RANBP17: variants seen among roughly 807,000 people sequenced by gnomAD.
RANBP17 encodes ran-binding protein 17.
Under a neutral mutation model 141.2 loss-of-function variants are expected in RANBP17, and 158 were observed. That is an observed-to-expected ratio of 1.12 (90% confidence interval 0.98 to 1.28). RANBP17 has a LOEUF of 1.28. Ranked by LOEUF, RANBP17 falls within the 50% of genes most tolerant of loss-of-function variation. The probability of loss-of-function intolerance (pLI) is 0.00; values close to 1 mark genes in which losing one functional copy is unlikely to be tolerated. For synonymous variants in RANBP17, 430 were observed against 450.0 expected, an observed-to-expected ratio of 0.96 and a Z score of 0.56; for missense variants, 1,438 against 1,290.7, an observed-to-expected ratio of 1.11 and a Z score of -1.75.
At chr5:171,040,699 C>T (rs922544975) in intron 14 of RANBP17, among the ~76,000 whole-genome samples, 2 of 151,926 alleles carry the variant, frequency 1.3e-5, no homozygotes, top group Non-Finnish European at 2.9e-5. Flanking sequence ...GAAAAGAAGA[C>T]CTTAGGAGAA....
At chr5:171,006,189 G>A (rs575105292) in intron 14 of RANBP17, among the ~76,000 whole-genome samples, 4 of 152,294 alleles carry the variant, frequency 2.6e-5, no homozygotes, top group Non-Finnish European at 2.9e-5. Context: ...TCAGTATGGC[G>A]ATTCCTTCGG....
In RANBP17 at chr5:170,909,742, C is replaced by A; in HGVS notation, c.571C>A (p.Leu191Ile). 6.4e-7 allele frequency: 1 copy of A among 1,555,330 alleles called. No individual in the cohort carries two copies. Among genetic ancestry groups the A allele is most frequent in the Non-Finnish European group, 8.9e-7 (1 of 1,128,722 alleles). Reference sequence around the variant, plus strand: ...TACTTCTCTCAAAGACGTTTTAGTGCTAGCATGCTCTCTTTTAAAAGAGGT... The same window carrying A: ...TACTTCTCTCAAAGACGTTTTAGTGATAGCATGCTCTCTTTTAAAAGAGGT... ...RDTSLKDVLV[L>I]ACSLLKEVFA... Residue 191 changes from leucine (L) to isoleucine (I), a missense_variant, in exon 6 of 28, where the codon CTA becomes ATA. Physicochemically the swap from Leu to Ile is conservative, Grantham distance 5. Transcript: ENST00000523189.
intron 14 of RANBP17, among the ~76,000 whole-genome samples, chr5:171,107,390 C>A (rs986725800): frequency 3.3e-5 from 5 of 152,198 alleles, no homozygotes; most frequent in Non-Finnish European, 5.9e-5. Flanking sequence ...TGTTCTTCCT[C>A]AGACTGGCAG....
At chr5:170,891,410 A>G (rs1367121892) in intron 3 of RANBP17, among the ~76,000 whole-genome samples, 3 of 152,228 alleles carry the variant, frequency 2.0e-5, no homozygotes, top group Non-Finnish European at 4.4e-5. Flanking sequence ...AATACCAGAT[A>G]AGGATGGGTG....
intron 14 of RANBP17, among the ~76,000 whole-genome samples, chr5:171,038,725 CAT>C (rs1782047284): frequency 6.6e-6 from 1 of 152,038 alleles, no homozygotes; most frequent in Non-Finnish European, 1.5e-5. Flanking sequence ...GTTTTTTCCA[CAT>C]CTATTGAGAT....
Position 170,914,186 on chromosome 5 carries a change from A to T in RANBP17, c.780A>T (p.Thr260=), listed in dbSNP as rs756102905. ...TCCCAGTTTTCCTGGAACCAGAAAC[A>T]TTGGATCTTTTCTTCAATTTGTATC... The part of the protein sequence containing the change: ...TWRTIFLEPE[T]LDLFFNLYHS... The change falls in exon 8 of 28, where the codon ACA becomes ACT. Residue 260 remains threonine, a synonymous_variant. Coordinates refer to ENST00000523189, the MANE Select transcript of RANBP17 (RefSeq NM_022897.5). The T allele has an allele frequency of 6.2e-7, 1 of 1,609,138 alleles. No individual in the cohort carries two copies. Among genetic ancestry groups the T allele is most frequent in the South Asian group, 1.1e-5 (1 of 90,942 alleles).
intron 14 of RANBP17, among the ~76,000 whole-genome samples, chr5:171,022,438 G>C (rs13157971): frequency 0.67 from 102,032 of 152,172 alleles, 34,471 homozygotes; most frequent in South Asian, 0.89. Flanking sequence ...CATCCTTCCC[G>C]CTAGGGGCTC....
At chr5:171,154,961 C>T (rs1317101673) in intron 14 of RANBP17, among the ~76,000 whole-genome samples, 1 of 151,162 alleles carries the variant, frequency 6.6e-6, no homozygotes, top group Non-Finnish European at 1.5e-5. Context: ...ACCTGTAATC[C>T]CAGCTACTCG....
chr5:171,280,466 G>A (rs377280123), intron 25 of RANBP17, among the ~76,000 whole-genome samples: 11 of 152,156 alleles, frequency 7.2e-5, no homozygotes, highest in African/African-American at 2.6e-4. Flanking sequence ...TTTTGGTGGA[G>A]ACGGGGTTTC....
At chr5:171,199,108 A>G (rs1178286357) in intron 18 of RANBP17, among the ~76,000 whole-genome samples, 1 of 152,180 alleles carries the variant, frequency 6.6e-6, no homozygotes, top group East Asian at 1.9e-4. Flanking sequence ...GCTTAGTGTA[A>G]GAAGTGTACC....
chr5:171,004,744 C>T (rs1323932088), intron 14 of RANBP17, among the ~76,000 whole-genome samples: 3 of 152,186 alleles, frequency 2.0e-5, no homozygotes, highest in Non-Finnish European at 2.9e-5. Context: ...TGATGTGAGT[C>T]GGACAGTCTG....
intron 14 of RANBP17, among the ~76,000 whole-genome samples, chr5:171,167,114 G>T (rs1442646225): frequency 2.0e-5 from 3 of 152,180 alleles, no homozygotes; most frequent in African/African-American, 4.8e-5. Flanking sequence ...TGTTTTTCTA[G>T]TATATTATTG....
At chr5:171,147,335 T>G (rs1472319983) in intron 14 of RANBP17, among the ~76,000 whole-genome samples, 1 of 87,640 alleles carries the variant, frequency 1.1e-5, no homozygotes, top group Non-Finnish European at 2.6e-5. Flanking sequence ...TTTTCTTGGT[T>G]GTTTTGTGTG....
intron 13 of RANBP17, among the ~76,000 whole-genome samples, chr5:170,956,233 A>G (rs147231597): frequency 1.3e-5 from 2 of 152,016 alleles, no homozygotes; most frequent in African/African-American, 4.8e-5. Context: ...TTAGAAGTAT[A>G]TTGTTATATA....
intron 14 of RANBP17, among the ~76,000 whole-genome samples, chr5:171,052,906 ACAATGGCACGAT>A (rs545038925): frequency 8.5e-4 from 129 of 151,762 alleles, no homozygotes; most frequent in African/African-American, 3.0e-3. Context: ...AGGCTGGGGT[ACAATGGCACGAT>A]CTCAGCTCAC....
chr5:171,009,146 T>A (rs1455794648), intron 14 of RANBP17, among the ~76,000 whole-genome samples: 2 of 152,202 alleles, frequency 1.3e-5, no homozygotes, highest in African/African-American at 4.8e-5. Context: ...GTAGTGGAAA[T>A]CATTTTGGCT....
At chr5:171,267,543 C>T (rs766463299) in intron 25 of RANBP17, among the ~76,000 whole-genome samples, 9 of 152,136 alleles carry the variant, frequency 5.9e-5, no homozygotes, top group African/African-American at 2.2e-4. Flanking sequence ...CGCAGTGACT[C>T]ACGCCTGTAA....
chr5:171,210,726 G>C (rs150197555), intron 20 of RANBP17, among the ~76,000 whole-genome samples: 68 of 152,184 alleles, frequency 4.5e-4, no homozygotes, highest in Admixed American at 1.7e-3. Context: ...TATCTTCCTG[G>C]CCGGGCATGG....
intron 20 of RANBP17, chr5:171,207,113 G>A (rs912446538): frequency 6.1e-6 from 1 of 163,664 alleles, no homozygotes; most frequent in Non-Finnish European, 1.3e-5. Context: ...GGTGCTACAG[G>A]TGTGCTCCAC....
Sources: allele counts gnomAD v4.1 joint callset (sites outside exome capture counted in the v4.1 genomes callset), GRCh38; gene constraint gnomAD v4.1.1; transcripts MANE v1.5; gene names NCBI Gene and HGNC (gene_info 2026-07-23, HGNC 2026-07-21).